Variants in RGS7 observed in about 807,000 individuals in gnomAD.
RGS7 encodes the protein regulator of G-protein signaling 7.
In RGS7, 27 loss-of-function variants were observed where a neutral mutation model predicts 81.1. The observed-to-expected ratio is 0.33, with a 90% CI of 0.25 to 0.46. The LOEUF is 0.46. Ranked by LOEUF, RGS7 falls within the 20% of genes least tolerant of loss-of-function variation. The probability of loss-of-function intolerance (pLI) is 1.00; values close to 1 mark genes in which losing one functional copy is unlikely to be tolerated. For synonymous variants in RGS7, 208 were observed against 207.7 expected (o/e 1.00, Z -0.01); for missense variants, 396 against 607.4 (o/e 0.65, Z 3.66).
At chr1:241,134,163 T>C (rs2067318206) in intron 2 of RGS7, among the ~76,000 whole-genome samples, 1 of 152,232 alleles carries the variant, frequency 6.6e-6, no homozygotes, top group Admixed American at 6.5e-5. Context: ...TCTTTTCCTC[T>C]ATCATCCTAG....
At chr1:240,778,676 G>T (rs540346731) in intron 18 of RGS7, among the ~76,000 whole-genome samples, 8 of 152,114 alleles carry the variant, frequency 5.3e-5, no homozygotes, top group Non-Finnish European at 1.0e-4. Flanking sequence ...GTAACTACAG[G>T]CACCTGCCAC....
intron 2 of RGS7, among the ~76,000 whole-genome samples, chr1:241,106,752 C>CCACCACACACA (rs1553421291): frequency 8.2e-5 from 10 of 121,684 alleles, no homozygotes; most frequent in African/African-American, 2.6e-4. Context: ...AACACCACCA[C>CCACCACACACA]CACACACACA....
intron 2 of RGS7, among the ~76,000 whole-genome samples, chr1:241,113,017 C>T (rs1399958553): frequency 6.6e-6 from 1 of 152,120 alleles, no homozygotes; most frequent in Non-Finnish European, 1.5e-5. Context: ...TCCTTCATTC[C>T]ACACTGTTCT....
In RGS7 at chr1:241,209,849, TAATAA is replaced by T. The variant is rs750000447; in HGVS notation, c.79-111092_79-111088del. The stretch of plus-strand genomic sequence containing the variant: ...CAGACCCTGTCTCCAAAATATAAAA[TAATAA>T]AATAAAGAAAATTAAAATAAAATAT... On this transcript the variant is annotated intron_variant, in intron 2 of 18. Coordinates refer to ENST00000440928, the MANE Select transcript of RGS7 (RefSeq NM_001364886.1). Among the ~76,000 whole-genome samples, 12 of 151,940 alleles carry T rather than the reference TAATAA, an allele frequency of 7.9e-5. No individual in the cohort carries two copies. The East Asian group carries it at 1.4e-3, about 17-fold the overall frequency.
At chr1:241,320,303 T>C (rs2081135524) in intron 2 of RGS7, among the ~76,000 whole-genome samples, 1 of 152,292 alleles carries the variant, frequency 6.6e-6, no homozygotes, top group East Asian at 1.9e-4. Context: ...CAGGAACACT[T>C]TCTGAGTTCT....
chr1:241,045,902 C>T (rs2060899735), intron 3 of RGS7, among the ~76,000 whole-genome samples: 1 of 152,124 alleles, frequency 6.6e-6, no homozygotes, highest in Non-Finnish European at 1.5e-5. Context: ...GGATTCCTCT[C>T]TTCTCTCCCC....
intron 18 of RGS7, among the ~76,000 whole-genome samples, chr1:240,799,465 C>T (rs1364218391): frequency 6.6e-6 from 1 of 151,730 alleles, no homozygotes; most frequent in Non-Finnish European, 1.5e-5. Context: ...CATATGGGCC[C>T]TCCCTCCTCA....
At chr1:240,803,121 A>C (rs1465501216) in intron 15 of RGS7, 128 bp from the exon 16 acceptor site, 1 of 699,506 alleles carries the variant, frequency 1.4e-6, no homozygotes, top group Non-Finnish European at 2.6e-6. Flanking sequence ...TGCTGATTAG[A>C]ATACCTTCTA....
chr1:241,186,680 C>T (rs1034377800), intron 2 of RGS7, among the ~76,000 whole-genome samples: 2 of 151,678 alleles, frequency 1.3e-5, no homozygotes, highest in Admixed American at 6.6e-5. Context: ...TGCACCACTA[C>T]ACCCGGCTAA....
intron 6 of RGS7, among the ~76,000 whole-genome samples, chr1:240,901,758 T>C (rs1027619901): frequency 2.6e-5 from 4 of 152,240 alleles, no homozygotes; most frequent in African/African-American, 9.6e-5. Context: ...TCATGTTCAC[T>C]GTCACTTTGG....
At chr1:241,042,016 T>G (rs2060648131) in intron 3 of RGS7, among the ~76,000 whole-genome samples, 1 of 152,142 alleles carries the variant, frequency 6.6e-6, no homozygotes, top group South Asian at 2.1e-4. Flanking sequence ...CCAACCATAG[T>G]GACTAAGATA....
intron 3 of RGS7, among the ~76,000 whole-genome samples, chr1:241,092,100 A>G (rs908754535): frequency 6.6e-6 from 1 of 152,210 alleles, no homozygotes; most frequent in Non-Finnish European, 1.5e-5. Flanking sequence ...AGTATTTGAT[A>G]TTATTATACT....
chr1:241,306,128 TCA>T (rs3052437), intron 2 of RGS7, among the ~76,000 whole-genome samples: 46,647 of 149,594 alleles, frequency 0.31, 7,730 homozygotes, highest in Non-Finnish European at 0.35. Flanking sequence ...CATCTCTTTT[TCA>T]CACACACACA....
intron 2 of RGS7, among the ~76,000 whole-genome samples, chr1:241,212,742 C>T (rs1013041231): frequency 8.5e-5 from 13 of 152,158 alleles, no homozygotes; most frequent in African/African-American, 3.1e-4. Context: ...GCAGGGTGTC[C>T]TCTACATTCT....
At chr1:241,100,115 C>T (rs1196626890) in intron 2 of RGS7, among the ~76,000 whole-genome samples, 1 of 152,094 alleles carries the variant, frequency 6.6e-6, no homozygotes, top group Non-Finnish European at 1.5e-5. Flanking sequence ...GTGGCTCACA[C>T]CTGTAATCCC....
chr1:241,092,861 G>GAA (rs35614786), intron 3 of RGS7, among the ~76,000 whole-genome samples: 65 of 144,544 alleles, frequency 4.5e-4, no homozygotes, highest in African/African-American at 1.1e-3. Context: ...ATAAAAGATA[G>GAA]AAAAAAAAAA....
At chr1:241,068,994 G>A (rs565943233) in intron 3 of RGS7, among the ~76,000 whole-genome samples, 17 of 152,250 alleles carry the variant, frequency 1.1e-4, no homozygotes, top group African/African-American at 3.9e-4. Flanking sequence ...TTTCACCTGT[G>A]TGTGTCTGTT....
At chr1:240,879,425 T>G (rs146287134) in intron 6 of RGS7, among the ~76,000 whole-genome samples, 2 of 152,360 alleles carry the variant, frequency 1.3e-5, no homozygotes, top group East Asian at 3.9e-4. Context: ...TTTGTAGATT[T>G]TATTTAGGAT....
intron 3 of RGS7, among the ~76,000 whole-genome samples, chr1:241,056,685 C>T (rs2061493850): frequency 6.6e-6 from 1 of 152,166 alleles, no homozygotes; most frequent in Admixed American, 6.5e-5. Flanking sequence ...AAAACTCCTC[C>T]CTTTGGCTTT....
Sources: gnomAD v4.1 joint callset for allele counts (sites outside exome capture counted in the v4.1 genomes callset) on GRCh38, gnomAD v4.1.1 for gene constraint, MANE v1.5 for transcripts, NCBI Gene and HGNC (gene_info 2026-07-23, HGNC 2026-07-21) for gene names.